Variants in DDX42 observed in about 807,000 individuals in gnomAD.
DDX42 encodes ATP-dependent RNA helicase DDX42.
Under a neutral mutation model 101.5 loss-of-function variants are expected in DDX42, and 22 were observed. The observed-to-expected ratio is 0.22, with a 90% CI of 0.15 to 0.31. The LOEUF (loss-of-function observed/expected upper bound fraction) is 0.31. Ranked by LOEUF, DDX42 falls within the 10% of genes least tolerant of loss-of-function variation. DDX42 has a pLI of 1.00. For missense variants in DDX42, 849 were observed against 1,199.9 expected, an observed-to-expected ratio of 0.71 and a Z score of 4.32; for synonymous variants, 402 against 401.2, an observed-to-expected ratio of 1.00 and a Z score of -0.02.
At chr17:63,808,728 A>G in intron 9 of DDX42, 92 bp from the exon 10 acceptor site, 1 of 1,515,162 alleles carries the variant, frequency 6.6e-7, no homozygotes, top group Non-Finnish European at 9.0e-7. Flanking sequence ...ATTTTTTATG[A>G]CATCACATTC....
intron 2 of DDX42, among the ~76,000 whole-genome samples, chr17:63,791,133 T>A (rs1711566822): frequency 6.6e-6 from 1 of 152,192 alleles, no homozygotes; most frequent in Non-Finnish European, 1.5e-5. Flanking sequence ...TTGGTTATAT[T>A]ACTATTTGAG....
chr17:63,818,657 G>A lies in DDX42; in HGVS notation c.*259G>A. 1 of 420,484 alleles carries A rather than the reference G, an allele frequency of 2.4e-6. No individual in the cohort carries two copies. The highest frequency in any genetic ancestry group is 4.3e-6 in the Non-Finnish European group (1 of 231,452). 26.0% of individuals were successfully genotyped at this position (420,484 alleles called of 1,614,324 possible). On this transcript the variant is annotated 3_prime_UTR_variant, in exon 18 of 18. Coordinates refer to ENST00000389924, the MANE Select transcript of DDX42 (RefSeq NM_203499.3). ...TGAGTTGTCATGTGGGTAAGTTGAG[G>A]TTATCTTGGGATAAAGGGTCTTCTA...
chr17:63,787,309 T>C, intron 2 of DDX42, 39 bp downstream of exon 2: 4 of 1,596,116 alleles, frequency 2.5e-6, no homozygotes, highest in Non-Finnish European at 3.4e-6. Flanking sequence ...AAGTTTGGAC[T>C]TTGATATATT....
intron 1 of DDX42, among the ~76,000 whole-genome samples, chr17:63,786,412 A>G (rs528393374): frequency 1.3e-5 from 2 of 151,916 alleles, no homozygotes; most frequent in Non-Finnish European, 2.9e-5. Flanking sequence ...AATGAGATGG[A>G]TTTTCTTTTC....
rs776786356 is a variant in DDX42 at position 63,811,870 on chromosome 17, C to T, written c.1399-62C>T. ...TGCAGGTAGAAATATAATGCCTAGT[C>T]CTTGTTCAGGTGCCCTGTGGCTCCA... On this transcript the variant is annotated intron_variant, in intron 13 of 17. Coordinates refer to ENST00000389924, the MANE Select transcript of DDX42 (RefSeq NM_203499.3). The T allele has an allele frequency of 4.4e-6, 7 of 1,607,970 alleles. No homozygotes were observed. In the African/African-American group the frequency reaches 8.0e-5, roughly 18 times the overall value.
intron 10 of DDX42, 121 bp from the exon 11 acceptor site, chr17:63,809,439 G>A: frequency 1.4e-6 from 1 of 723,952 alleles, no homozygotes; most frequent in East Asian, 2.6e-5. Flanking sequence ...GTGGCTGTTG[G>A]ACCAGTATCT....
chr17:63,782,913 T>A (rs2039505593), intron 1 of DDX42, among the ~76,000 whole-genome samples: 1 of 152,146 alleles, frequency 6.6e-6, no homozygotes, highest in Non-Finnish European at 1.5e-5. Flanking sequence ...CCTACCTGTC[T>A]TTCTGAACAT....
chr17:63,786,162 G>T (rs1364257857), intron 1 of DDX42, among the ~76,000 whole-genome samples: 1 of 152,208 alleles, frequency 6.6e-6, no homozygotes, highest in Non-Finnish European at 1.5e-5. Context: ...AATTTCTTCA[G>T]TGTTTTAGAA....
intron 16 of DDX42, chr17:63,816,536 C>T (rs2039979164): frequency 5.5e-6 from 1 of 182,258 alleles, no homozygotes; most frequent in African/African-American, 2.4e-5. Flanking sequence ...AGCAGTCACA[C>T]AATATGCTAT....
chr17:63,774,166 T>C, upstream of DDX42: 1 of 271,478 alleles, frequency 3.7e-6, no homozygotes, highest in East Asian at 7.1e-5. Context: ...CATGTCGCGT[T>C]TTTGTTCCCC....
In DDX42 at chr17:63,808,906, C is replaced by A; in HGVS notation, c.1110C>A (p.Ala370=). 2 of 1,613,990 alleles carry A rather than the reference C, an allele frequency of 1.2e-6. No homozygotes were observed. The highest frequency in any genetic ancestry group is 2.2e-5 in the South Asian group (2 of 91,068). ...VYGGGSMWEQ[A]KALQEGAEIV... is the part of the protein sequence containing the mutation. The stretch of plus-strand genomic sequence containing the variant: ...GAGGAGGGAGTATGTGGGAGCAGGC[C>A]AAGGCCCTTCAGGAGGGGGCAGAGA... Residue 370 remains alanine, a synonymous_variant, in exon 10 of 18, where the codon GCC becomes GCA. Coordinates refer to ENST00000389924, the MANE Select transcript of DDX42 (RefSeq NM_203499.3).
At chr17:63,794,508 A>G (rs2039668161) in intron 3 of DDX42, among the ~76,000 whole-genome samples, 2 of 152,106 alleles carry the variant, frequency 1.3e-5, no homozygotes, top group Non-Finnish European at 2.9e-5. Flanking sequence ...CCCTTTCTCA[A>G]CAAAATGAAA....
chr17:63,794,328 G>T (rs1456365253), intron 3 of DDX42, among the ~76,000 whole-genome samples: 1 of 151,990 alleles, frequency 6.6e-6, no homozygotes, highest in Admixed American at 6.6e-5. Flanking sequence ...AGGATCCCTC[G>T]AGTCTAGGAG....
At chr17:63,782,703 AT>A (rs1452356363) in intron 1 of DDX42, among the ~76,000 whole-genome samples, 1 of 152,090 alleles carries the variant, frequency 6.6e-6, no homozygotes, top group Non-Finnish European at 1.5e-5. Flanking sequence ...TTAGTTCAGA[AT>A]TTTGTCGCTT....
chr17:63,813,797 A>C (rs1263887573), intron 15 of DDX42, among the ~76,000 whole-genome samples: 1 of 152,074 alleles, frequency 6.6e-6, no homozygotes, highest in Non-Finnish European at 1.5e-5. Flanking sequence ...GGAGGCTAAA[A>C]ATGTGTGATG....
chr17:63,800,726 G>A, intron 6 of DDX42, 109 bp downstream of exon 6: 1 of 1,351,314 alleles, frequency 7.4e-7, no homozygotes, highest in Admixed American at 2.1e-5. Context: ...ATGAGCGTAT[G>A]CATCTTGTCA....
chr17:63,791,630 C>G (rs1404181435), intron 2 of DDX42, among the ~76,000 whole-genome samples: 2 of 152,028 alleles, frequency 1.3e-5, no homozygotes, highest in Non-Finnish European at 2.9e-5. Flanking sequence ...ATTTTCAATT[C>G]CGGAAGTTTT....
rs767916809 is a variant in DDX42 at position 63,818,157 on chromosome 17, A to G, written c.2576A>G (p.His859Arg). 1 of 1,614,056 alleles carries G rather than the reference A, an allele frequency of 6.2e-7. No individual in the cohort carries two copies. The highest frequency in any genetic ancestry group is 1.1e-5 in the South Asian group (1 of 91,072). ...SSSRHTDGHR[H>R]GENRHGGSAG... ...AGCCGTCATACTGATGGCCATCGGC[A>G]CGGGGAGAACAGACATGGAGGAAGC... Residue 859 changes from histidine (H) to arginine (R), a missense_variant, in exon 18 of 18, where the codon CAC becomes CGC. Coordinates refer to ENST00000389924, the MANE Select transcript of DDX42 (RefSeq NM_203499.3).
rs780884817 is a variant in DDX42 at position 63,793,879 on chromosome 17, T to TATATATATATATATAA, written c.372+1318_372+1319insTATATATATATATAAA. On this transcript the variant is annotated intron_variant, in intron 3 of 17. Transcript: ENST00000389924. ...ATTTATATATATATATATATATATA[T>TATATATATATATATAA]AATTTTTTAACTGATAACAAAACCG... 3.7e-3 allele frequency among the ~76,000 whole-genome samples: 384 copies of TATATATATATATATAA among 102,968 alleles called. 2 individuals are homozygous for TATATATATATATATAA. The highest frequency in any genetic ancestry group is 0.014 in the African/African-American group (353 of 25,254). The allele number at this position is 102,968 out of a possible 152,430, so 67.6% of individuals were successfully genotyped here. A position where few individuals can be genotyped will look rare whatever the true frequency, so the allele number is the denominator to read the frequency against.
Sources: allele counts gnomAD v4.1 joint callset (sites outside exome capture counted in the v4.1 genomes callset), GRCh38; gene constraint gnomAD v4.1.1; transcripts MANE v1.5; gene names NCBI Gene and HGNC (gene_info 2026-07-23, HGNC 2026-07-21).